GRIN2B: variants seen among roughly 807,000 people sequenced by gnomAD.
GRIN2B encodes the protein glutamate receptor ionotropic, NMDA 2B.
In GRIN2B, 5 loss-of-function variants were observed where a neutral mutation model predicts 114.5. The ratio of observed to expected loss-of-function variants is 0.04; its 90% CI spans 0.02 to 0.09. The LOEUF (loss-of-function observed/expected upper bound fraction) is 0.09. GRIN2B is among the 10% of genes least tolerant of loss of function. The pLI is 1.00. For missense variants in GRIN2B, 1,108 were observed against 1,943.5 expected, an observed-to-expected ratio of 0.57 and a Z score of 8.08; for synonymous variants, 787 against 745.1, an observed-to-expected ratio of 1.06 and a Z score of -0.92.
intron 5 of GRIN2B, among the ~76,000 whole-genome samples, chr12:13,633,655 T>G (rs1010510917): frequency 6.6e-6 from 1 of 152,224 alleles, no homozygotes; most frequent in Non-Finnish European, 1.5e-5. Context: ...AATATATTCC[T>G]GACTTGAAAA....
chr12:13,834,017 CTTCTTTT>C (rs1565555701), intron 3 of GRIN2B, among the ~76,000 whole-genome samples: 2 of 117,422 alleles, frequency 1.7e-5, no homozygotes, highest in African/African-American at 3.0e-5. Context: ...TCTTTGCTAA[CTTCTTTT>C]TTTTTTTTTT....
intron 10 of GRIN2B, among the ~76,000 whole-genome samples, chr12:13,578,984 G>A (rs772996777): frequency 4.8e-4 from 73 of 152,176 alleles, no homozygotes; most frequent in Middle Eastern, 6.8e-3. Context: ...ATAATGTGGC[G>A]GGTGCTATGA....
intron 3 of GRIN2B, among the ~76,000 whole-genome samples, chr12:13,784,571 C>G (rs767677517): frequency 6.6e-6 from 1 of 152,110 alleles, no homozygotes; most frequent in Admixed American, 6.6e-5. Flanking sequence ...CCCCCCTGCC[C>G]CCTTGAAATG....
intron 10 of GRIN2B, among the ~76,000 whole-genome samples, chr12:13,593,111 G>A (rs1294203236): frequency 2.0e-5 from 3 of 152,100 alleles, no homozygotes; most frequent in African/African-American, 4.8e-5. Flanking sequence ...CATCAGAACG[G>A]CCATTCTGTC....
At position 13,544,653 on chromosome 12, in the gene GRIN2B, C is replaced by G. The variant is rs1948321889; in HGVS notation, c.*18130G>C. On this transcript the variant is annotated 3_prime_UTR_variant, in exon 14 of 14. Coordinates refer to ENST00000609686, the MANE Select transcript of GRIN2B (RefSeq NM_000834.5). The stretch of plus-strand genomic sequence containing the variant: ...GATGGCAACTCCAAACTTTCAATAG[C>G]TCAGGCCAAACATTCTAAGGTTATT... 1 of 152,186 alleles carries G rather than the reference C, an allele frequency of 6.6e-6. No homozygotes were observed. 9.4% of individuals were successfully genotyped at this position (152,186 alleles called of 1,614,324 possible). A position where few individuals can be genotyped will look rare whatever the true frequency, so the allele number is the denominator to read the frequency against.
At position 13,554,423 on chromosome 12, in the gene GRIN2B, G is replaced by C. The variant is rs941303948; in HGVS notation, c.*8360C>G. 80 of 152,192 alleles carry C rather than the reference G, an allele frequency of 5.3e-4. No homozygotes were observed. The highest frequency in any genetic ancestry group is 1.8e-3 in the African/African-American group (76 of 41,444). The allele number at this position is 152,192 out of a possible 1,614,324, so 9.4% of individuals were successfully genotyped here. ...TATTCAAGAAGGGAGTGAGATGGGA[G>C]ATAGGAAGGAGAGTATTTTGGACAA... On this transcript the variant is annotated 3_prime_UTR_variant, in exon 14 of 14. Coordinates refer to ENST00000609686, the MANE Select transcript of GRIN2B (RefSeq NM_000834.5).
chr12:13,798,112 C>G (rs1864448096), intron 3 of GRIN2B, among the ~76,000 whole-genome samples: 1 of 152,200 alleles, frequency 6.6e-6, no homozygotes, highest in Non-Finnish European at 1.5e-5. Flanking sequence ...TAGCAAAACT[C>G]TAGAATGTAT....
At chr12:13,979,730 C>A (rs1044147276) in intron 2 of GRIN2B, among the ~76,000 whole-genome samples, 198 bp downstream of exon 2, 1 of 151,970 alleles carries the variant, frequency 6.6e-6, no homozygotes, top group Non-Finnish European at 1.5e-5. Context: ...AAGCCCAAAA[C>A]CTGTTAGATG....
chr12:13,753,297 G>A lies in GRIN2B; in HGVS notation c.1010+20C>T, dbSNP rs201837767. 1 of 1,317,700 alleles carries A rather than the reference G, an allele frequency of 7.6e-7. No individual in the cohort carries two copies. The highest frequency in any genetic ancestry group is 1.1e-6 in the Non-Finnish European group (1 of 909,562). The allele number at this position is 1,317,700 out of a possible 1,614,324, so 81.6% of individuals were successfully genotyped here. A position where few individuals can be genotyped will look rare whatever the true frequency, so the allele number is the denominator to read the frequency against. On this transcript the variant is annotated intron_variant, in intron 4 of 13. Transcript: ENST00000609686. The surrounding 1 kb of genome is among the most constrained non-coding windows in gnomAD (Gnocchi z 6.2). ...CCCCTCTCATCTCCACCATCAATGT[G>A]CCCTCTGTTCCACACTCACCTATTT...
chr12:13,816,681 C>T (rs1371468173), intron 3 of GRIN2B, among the ~76,000 whole-genome samples: 3 of 152,114 alleles, frequency 2.0e-5, no homozygotes, highest in Non-Finnish European at 4.4e-5. Context: ...GTATCACATG[C>T]CCCCAACCCC....
intron 2 of GRIN2B, among the ~76,000 whole-genome samples, chr12:13,900,673 C>G (rs1024744120): frequency 6.6e-6 from 1 of 152,118 alleles, no homozygotes; most frequent in African/African-American, 2.4e-5. Flanking sequence ...TGAGTATTAT[C>G]ATCGTATTCT....
At chr12:13,918,193 A>C (rs923304633) in intron 2 of GRIN2B, among the ~76,000 whole-genome samples, 1 of 152,226 alleles carries the variant, frequency 6.6e-6, no homozygotes, top group Non-Finnish European at 1.5e-5. Flanking sequence ...TCTAACCTGT[A>C]AAATGGGAAT....
intron 3 of GRIN2B, among the ~76,000 whole-genome samples, chr12:13,823,457 T>C (rs984927485): frequency 6.6e-6 from 1 of 152,118 alleles, no homozygotes; most frequent in Non-Finnish European, 1.5e-5. Flanking sequence ...ATTTTTAAAT[T>C]GATAATTCTC....
At chr12:13,604,183 G>A (rs1333643869) in intron 10 of GRIN2B, among the ~76,000 whole-genome samples, 1 of 152,104 alleles carries the variant, frequency 6.6e-6, no homozygotes, top group Non-Finnish European at 1.5e-5. Context: ...GGGAGCTGAT[G>A]GAACGTACAG....
chr12:13,689,677 A>G (rs1024225494), intron 4 of GRIN2B, among the ~76,000 whole-genome samples: 3 of 152,100 alleles, frequency 2.0e-5, no homozygotes, highest in South Asian at 4.2e-4. Flanking sequence ...TACTTGCTCA[A>G]ACATCTCCAA....
chr12:13,776,672 G>A (rs1864008935), intron 3 of GRIN2B, among the ~76,000 whole-genome samples: 1 of 152,090 alleles, frequency 6.6e-6, no homozygotes, highest in African/African-American at 2.4e-5. Context: ...AAGTGTGTGG[G>A]ATTTGGGGAG....
chr12:13,818,824 T>C (rs1448988846), intron 3 of GRIN2B, among the ~76,000 whole-genome samples: 2 of 152,188 alleles, frequency 1.3e-5, no homozygotes. Flanking sequence ...TTGACGGCCT[T>C]TTGTGGCAGA....
At chr12:13,768,516 C>A (rs2136643355) in intron 3 of GRIN2B, among the ~76,000 whole-genome samples, 1 of 152,306 alleles carries the variant, frequency 6.6e-6, no homozygotes, top group South Asian at 2.1e-4. Context: ...GGCTCAGATG[C>A]AAGTGGAAAG....
rs927433676 is a variant in GRIN2B, at chr12:13,724,009, C to T, written c.1010+29308G>A. Among the ~76,000 whole-genome samples, 9 of 152,200 alleles carry T rather than the reference C, an allele frequency of 5.9e-5. No homozygotes were observed. The East Asian group carries it at 9.7e-4, about 16-fold the overall frequency. On this transcript the variant is annotated intron_variant, in intron 4 of 13. Coordinates refer to ENST00000609686, the MANE Select transcript of GRIN2B (RefSeq NM_000834.5). ...GAAAAGAATGGGACCTGGAGACCCA[C>T]GTGGTACACTTAGGAAGACAGTAAG... is the stretch of plus-strand genomic sequence containing the variant.
Sources: gnomAD v4.1 joint callset for allele counts (sites outside exome capture counted in the v4.1 genomes callset) on GRCh38, gnomAD v4.1.1 for gene constraint, Gnocchi (gnomAD v3.1) non-coding constraint, MANE v1.5 for transcripts, NCBI Gene and HGNC (gene_info 2026-07-23, HGNC 2026-07-21) for gene names.